NUP98: variants seen among roughly 807,000 people sequenced by gnomAD.
NUP98 encodes the protein nucleoporin 98 and 96 precursor, also known as nuclear pore complex protein Nup98-Nup96.
A neutral mutation model predicts 191.9 loss-of-function variants in NUP98; 26 were observed. That is an observed-to-expected ratio of 0.14 (90% CI 0.10 to 0.19). The LOEUF is 0.19. Ranked by LOEUF, NUP98 falls within the 10% of genes least tolerant of loss-of-function variation. The pLI, the probability that NUP98 is intolerant of heterozygous loss-of-function variation, is 1.00. For synonymous variants in NUP98, 808 were observed against 778.4 expected, an observed-to-expected ratio of 1.04 and a Z score of -0.63; for missense variants, 1,941 against 2,178.8, an observed-to-expected ratio of 0.89 and a Z score of 2.17.
chr11:3,739,144 T>C lies in NUP98; in HGVS notation c.1409-3820A>G, dbSNP rs192566306. 2.2e-4 allele frequency among the ~76,000 whole-genome samples: 33 copies of C among 152,244 alleles called. 1 individual carries two copies. Among genetic ancestry groups the C allele is most frequent in the African/African-American group, 7.2e-4 (30 of 41,544 alleles). On this transcript the variant is annotated intron_variant, in intron 12 of 32. Transcript: ENST00000324932. ...CAGGAACTTTGGAAAAAGAGATGGA[T>C]TATTAAAAACCAGTCAAAAAGCTAT...
At chr11:3,761,100 A>G (rs557379430) in intron 9 of NUP98, among the ~76,000 whole-genome samples, 1 of 152,350 alleles carries the variant, frequency 6.6e-6, no homozygotes, top group African/African-American at 2.4e-5. Flanking sequence ...ATTTACATGA[A>G]GTGTTCAAAA....
intron 12 of NUP98, among the ~76,000 whole-genome samples, chr11:3,743,455 G>C (rs1484581920): frequency 6.8e-6 from 1 of 146,548 alleles, no homozygotes; most frequent in Non-Finnish European, 1.5e-5. Context: ...GACCATCCTG[G>C]CTAACATGGT....
chr11:3,719,686 G>T, intron 17 of NUP98, 136 bp from the exon 18 acceptor site: 1 of 559,282 alleles, frequency 1.8e-6, no homozygotes, highest in Non-Finnish European at 2.9e-6. Flanking sequence ...GCAATTCCTA[G>T]ACTGGTAAGA....
intron 29 of NUP98, among the ~76,000 whole-genome samples, chr11:3,684,833 T>A (rs1333754199): frequency 6.9e-6 from 1 of 144,268 alleles, no homozygotes; most frequent in South Asian, 2.3e-4. Context: ...AGTATCTTTA[T>A]CCAAAGTCAA....
intron 8 of NUP98, among the ~76,000 whole-genome samples, chr11:3,763,934 A>G (rs1420444613): frequency 6.6e-6 from 1 of 152,268 alleles, no homozygotes; most frequent in East Asian, 1.9e-4. Context: ...TGCATTAATA[A>G]AGGAAAAATA....
chr11:3,787,302 C>T (rs1255907295), intron 1 of NUP98, among the ~76,000 whole-genome samples: 5 of 152,296 alleles, frequency 3.3e-5, no homozygotes, highest in Non-Finnish European at 4.4e-5. Flanking sequence ...TCTCTAAGGC[C>T]GGGCACGGTG....
chr11:3,764,115 G>C (rs760231836), intron 8 of NUP98, among the ~76,000 whole-genome samples: 10 of 151,880 alleles, frequency 6.6e-5, no homozygotes, highest in African/African-American at 2.4e-4. Context: ...ACCCATCAGT[G>C]ATTACTCCCC....
rs889100564 is a variant in NUP98 at position 3,775,792 on chromosome 11, C to G, written c.495+90G>C. The G allele has an allele frequency of 3.8e-6, 5 of 1,301,890 alleles. No individual in the cohort carries two copies. The African/African-American group carries it at 5.9e-5, about 15-fold the overall frequency. 80.6% of individuals were successfully genotyped at this position (1,301,890 alleles called of 1,614,324 possible). A position where few individuals can be genotyped will look rare whatever the true frequency, so the allele number is the denominator to read the frequency against. ...ATCGTTCAGGCAGTGTCAAGCTAAG[C>G]TGGAAAGAGAAGCAATTTTACAATT... is the stretch of plus-strand genomic sequence containing the variant. On this transcript the variant is annotated intron_variant, in intron 5 of 32. Coordinates refer to ENST00000324932, the MANE Select transcript of NUP98 (RefSeq NM_016320.5).
At position 3,701,955 on chromosome 11, in the gene NUP98, G is replaced by A. The variant is rs553373921; in HGVS notation, c.3512+508C>T. On this transcript the variant is annotated intron_variant, in intron 23 of 32. Transcript: ENST00000324932. ...GCCCATCTTGGCCTCCCAAAGTGCT[G>A]GGATTACAGGTTGTTTTTTATTTTT... 2.0e-3 allele frequency among the ~76,000 whole-genome samples: 298 copies of A among 152,018 alleles called. 1 individual carries two copies. Among genetic ancestry groups the A allele is most frequent in the Non-Finnish European group, 2.8e-3 (190 of 67,988 alleles).
chr11:3,697,561 G>A (rs546612654), intron 25 of NUP98, among the ~76,000 whole-genome samples: 49 of 152,136 alleles, frequency 3.2e-4, no homozygotes, highest in African/African-American at 1.2e-3. Context: ...TGTAATCCCA[G>A]CACTTGGGAG....
chr11:3,751,332 TG>T (rs1416993056), intron 11 of NUP98, among the ~76,000 whole-genome samples: 1 of 152,174 alleles, frequency 6.6e-6, no homozygotes, highest in African/African-American at 2.4e-5. Context: ...CACTCCAGCC[TG>T]GGTAACAAGA....
rs773897374 is a variant in NUP98 at position 3,719,407 on chromosome 11, C to G, written c.2399+5G>C. The G allele has an allele frequency of 1.3e-6, 2 of 1,581,830 alleles. No homozygotes were observed. The highest frequency in any genetic ancestry group is 8.5e-7 in the Non-Finnish European group (1 of 1,170,888). ...ATAATTTTCTGTATGTACATAAACTCTTACCTATTTAGCCCTTCACCCACA... is the reference window on the plus strand; with the variant it reads ...ATAATTTTCTGTATGTACATAAACTGTTACCTATTTAGCCCTTCACCCACA... On this transcript the variant is annotated splice_donor_5th_base_variant and intron_variant, in intron 18 of 32. Transcript: ENST00000324932.
chr11:3,772,976 C>G (rs1589936125), intron 6 of NUP98, among the ~76,000 whole-genome samples: 1 of 151,220 alleles, frequency 6.6e-6, no homozygotes, highest in South Asian at 2.1e-4. Context: ...GATGCTGTCT[C>G]AAAAACAAAC....
At position 3,723,227 on chromosome 11, in the gene NUP98, A is replaced by G. The variant is rs1053286092; in HGVS notation, c.2076T>C (p.Ser692=). ...CATCCTGAAGTGACTCATCATGAAAAGACGTTTCTTCACTGCTTCCTTCCA... is the reference window on the plus strand; with the variant it reads ...CATCCTGAAGTGACTCATCATGAAAGGACGTTTCTTCACTGCTTCCTTCCA... ...NGLEGSSEET[S]FHDESLQDDR... is the part of the protein sequence containing the mutation. The change falls in exon 16 of 33, where the codon TCT becomes TCC. Residue 692 remains serine, a synonymous_variant. Coordinates refer to ENST00000324932, the MANE Select transcript of NUP98 (RefSeq NM_016320.5). 2 of 1,614,054 alleles carry G rather than the reference A, an allele frequency of 1.2e-6. No individual in the cohort carries two copies. Among genetic ancestry groups the G allele is most frequent in the African/African-American group, 1.3e-5 (1 of 74,922 alleles).
intron 28 of NUP98, among the ~76,000 whole-genome samples, chr11:3,690,471 A>C (rs2078277878): frequency 6.6e-6 from 1 of 151,382 alleles, no homozygotes; most frequent in Non-Finnish European, 1.5e-5. Context: ...TGTGTTAGCC[A>C]GGATGGTCTC....
chr11:3,694,405 T>TG (rs2078431751), intron 26 of NUP98, among the ~76,000 whole-genome samples: 1 of 149,214 alleles, frequency 6.7e-6, no homozygotes, highest in Non-Finnish European at 1.5e-5. Context: ...TAACGCTTCA[T>TG]GACATGAAAA....
At chr11:3,742,952 ACT>A (rs1257959947) in intron 12 of NUP98, among the ~76,000 whole-genome samples, 1 of 151,852 alleles carries the variant, frequency 6.6e-6, no homozygotes, top group African/African-American at 2.4e-5. Context: ...TATCTCAGTT[ACT>A]CTGTTTATGC....
rs60063096 is a variant in NUP98 at position 3,797,523 on chromosome 11, C to T, written c.-152G>A. The T allele has an allele frequency of 1.8e-5, 8 of 444,060 alleles. No individual in the cohort carries two copies. Among genetic ancestry groups the T allele is most frequent in the Non-Finnish European group, 1.2e-5 (3 of 252,862 alleles). The allele number at this position is 444,060 out of a possible 1,614,324, so 27.5% of individuals were successfully genotyped here. ...CTACCACCCCTGCCACCGACCGCCG[C>T]TTCGGGCGCAGCGCGCAGAGGGCCC... is the stretch of plus-strand genomic sequence containing the variant. On this transcript the variant is annotated 5_prime_UTR_variant, in exon 1 of 33. Transcript: ENST00000324932.
At chr11:3,706,228 T>A (rs556081561) in intron 21 of NUP98, among the ~76,000 whole-genome samples, 1 of 152,182 alleles carries the variant, frequency 6.6e-6, no homozygotes, top group South Asian at 2.1e-4. Context: ...TCTAATGCAG[T>A]TAAAACCAGA....
Sources: gnomAD v4.1 joint callset for allele counts (sites outside exome capture counted in the v4.1 genomes callset) on GRCh38, gnomAD v4.1.1 for gene constraint, MANE v1.5 for transcripts, NCBI Gene and HGNC (gene_info 2026-07-23, HGNC 2026-07-21) for gene names.